Variants in YBX3 observed in about 807,000 individuals in gnomAD.
YBX3 encodes Y-box-binding protein 3.
Under a neutral mutation model 42.4 loss-of-function variants are expected in YBX3, and 29 were observed. That is an observed-to-expected ratio of 0.68 (90% CI 0.51 to 0.93). The LOEUF (loss-of-function observed/expected upper bound fraction) is 0.93, where lower values mean the gene tolerates loss of function less well. Among genes scored for constraint, YBX3 ranks in the 40% least tolerant of loss-of-function variants. The pLI is 0.00. For missense variants in YBX3, 517 were observed against 527.5 expected, an observed-to-expected ratio of 0.98 and a Z score of 0.19; for synonymous variants, 195 against 189.8, an observed-to-expected ratio of 1.03 and a Z score of -0.22.
At chr12:10,712,983 AG>A in intron 5 of YBX3, 2 of 514,992 alleles carry the variant, frequency 3.9e-6, no homozygotes, top group South Asian at 3.2e-5. Flanking sequence ...TCACCACTAA[AG>A]AACTTATTCA....
rs758453219 is a variant in YBX3 at position 10,719,171 on chromosome 12, G to A, written c.263-28C>T. ...AAAATAGGATTAAGCAGATAAATTA[G>A]TATCTGACCTACAGAGAGATATAGC... On this transcript the variant is annotated intron_variant, in intron 1 of 9. Coordinates refer to ENST00000228251, the MANE Select transcript of YBX3 (RefSeq NM_003651.5). 11 of 1,583,010 alleles carry A rather than the reference G, an allele frequency of 6.9e-6. No homozygotes were observed. The African/African-American group carries it at 1.1e-4, about 16-fold the overall frequency.
chr12:10,719,036 T>C (rs898838084), intron 2 of YBX3, 44 bp downstream of exon 2: 3 of 1,572,604 alleles, frequency 1.9e-6, no homozygotes, highest in Admixed American at 1.7e-5. Flanking sequence ...GGTGCCACAA[T>C]GTAAGTATAA....
chr12:10,717,594 T>TA (rs1156949832), intron 3 of YBX3: 1 of 152,282 alleles, frequency 6.6e-6, no homozygotes, highest in Non-Finnish European at 1.5e-5. Flanking sequence ...CATGCCTCAT[T>TA]TAACAAGAGT....
chr12:10,715,543 T>G, intron 4 of YBX3, 151 bp downstream of exon 4: 1 of 595,320 alleles, frequency 1.7e-6, no homozygotes, highest in Non-Finnish European at 2.9e-6. Flanking sequence ...GACCCCATCT[T>G]AAAAAAAAAA....
rs1359779232 is a variant in YBX3 at position 10,722,974 on chromosome 12, C to T, written c.138G>A (p.Pro46=). ...TTCCTGCGACGTGGGCGGCGGGCGC[C>T]GGGGCCGCGGCCTGGGGCGCACCGC... The part of the protein sequence containing the change: ...VGSGAPQAAA[P]APAAHVAGNP... Residue 46 remains proline (P), a synonymous_variant, in exon 1 of 10, where the codon CCG becomes CCA. Transcript: ENST00000228251. 4 of 1,236,302 alleles carry T rather than the reference C, an allele frequency of 3.2e-6. No individual in the cohort carries two copies. Among genetic ancestry groups the T allele is most frequent in the Non-Finnish European group, 4.0e-6 (4 of 994,432 alleles). 76.6% of individuals were successfully genotyped at this position (1,236,302 alleles called of 1,614,324 possible). A position where few individuals can be genotyped will look rare whatever the true frequency, so the allele number is the denominator to read the frequency against.
intron 2 of YBX3, 108 bp from the exon 3 acceptor site, chr12:10,718,229 T>G: frequency 1.1e-6 from 1 of 889,334 alleles, no homozygotes; most frequent in Non-Finnish European, 1.7e-6. Flanking sequence ...ACACAACATA[T>G]ATTTTCACTT....
rs778160354 is a variant in YBX3, at chr12:10,713,221, G to A, written c.563C>T (p.Pro188Leu). ...ACAGAGACAACGTACATTCCGGGGA[G>A]GGCCACGGCGCCTTCCATAGTAGCC... The part of the protein sequence containing the change: ...RRGYYGRRRG[P>L]PRNYAGEEEE... Residue 188 changes from proline (P) to leucine (L), a missense_variant, in exon 5 of 10, where the codon CCT (proline) becomes CTT (leucine). Coordinates refer to ENST00000228251, the MANE Select transcript of YBX3 (RefSeq NM_003651.5). The A allele has an allele frequency of 4.3e-6, 7 of 1,610,766 alleles. No individual in the cohort carries two copies. In the Admixed American group the frequency reaches 1.2e-4, roughly 27 times the overall value.
chr12:10,714,674 A>G (rs1334200643), intron 4 of YBX3, among the ~76,000 whole-genome samples: 1 of 152,066 alleles, frequency 6.6e-6, no homozygotes, highest in African/African-American at 2.4e-5. Context: ...TTTACCATGT[A>G]TTATTTGTAG....
rs1036344170 is a variant in YBX3, at chr12:10,699,221, T to G, written c.*468A>C. 6.6e-6 allele frequency: 1 copy of G among 152,558 alleles called. No homozygotes were observed. The highest frequency in any genetic ancestry group is 1.5e-5 in the Non-Finnish European group (1 of 68,022). 9.5% of individuals were successfully genotyped at this position (152,558 alleles called of 1,614,324 possible). On this transcript the variant is annotated 3_prime_UTR_variant, in exon 10 of 10. Coordinates refer to ENST00000228251, the MANE Select transcript of YBX3 (RefSeq NM_003651.5). Reference sequence around the variant, plus strand: ...AATAAGAAGGACATAAATTTTTTTTTTTTTTAAATCATGACACTTGGAGGT... The same window carrying G: ...AATAAGAAGGACATAAATTTTTTTTGTTTTTAAATCATGACACTTGGAGGT...
At chr12:10,708,780 A>G (rs1948166127) in intron 6 of YBX3, among the ~76,000 whole-genome samples, 1 of 152,264 alleles carries the variant, frequency 6.6e-6, no homozygotes, top group Non-Finnish European at 1.5e-5. Context: ...TCCTAAGGTG[A>G]AATACATTTT....
At chr12:10,710,765 T>C in intron 5 of YBX3, 1 of 428,598 alleles carries the variant, frequency 2.3e-6, no homozygotes. Context: ...CCAGCTATCT[T>C]CTATTAAACC....
At chr12:10,701,168 G>A (rs1471260186) in intron 9 of YBX3, 86 bp downstream of exon 9, 2 of 705,422 alleles carry the variant, frequency 2.8e-6, no homozygotes. Flanking sequence ...TGCAGAACTA[G>A]TTTAGACTAA....
intron 7 of YBX3, 117 bp from the exon 8 acceptor site, chr12:10,702,251 T>C: frequency 1.9e-6 from 2 of 1,039,176 alleles, no homozygotes; most frequent in Non-Finnish European, 2.7e-6. Flanking sequence ...CCAGGCATGA[T>C]GGCTCACCCC....
At chr12:10,701,190 G>GT in intron 9 of YBX3, 64 bp downstream of exon 9, 1 of 746,478 alleles carries the variant, frequency 1.3e-6, no homozygotes. Flanking sequence ...TTGTACTCTT[G>GT]TTGAGAAACC....
intron 3 of YBX3, chr12:10,717,763 C>G (rs1948278755): frequency 5.4e-6 from 1 of 185,160 alleles, no homozygotes; most frequent in African/African-American, 2.3e-5. Context: ...GGAACCACAT[C>G]AGGAGAACAG....
intron 5 of YBX3, chr12:10,712,646 A>G (rs1591579441): frequency 6.6e-6 from 1 of 152,216 alleles, no homozygotes; most frequent in Non-Finnish European, 1.5e-5. Flanking sequence ...TGTCGGCACC[A>G]AAGAATGAAC....
chr12:10,712,788 G>T (rs894261940), intron 5 of YBX3: 3 of 153,600 alleles, frequency 2.0e-5, no homozygotes, highest in African/African-American at 7.2e-5. Context: ...TCTCCCTTAA[G>T]TCTTCCTGTT....
Position 10,723,215 on chromosome 12 carries a change from G to A in YBX3, c.-104C>T. On this transcript the variant is annotated 5_prime_UTR_variant, in exon 1 of 10. Transcript: ENST00000228251. Reference sequence around the variant, plus strand: ...CCGGGGCTCGCTCTCGGGGAGGCCGGGGCGGATCTCGCGGCGCAGGCGGCG... The same window carrying A: ...CCGGGGCTCGCTCTCGGGGAGGCCGAGGCGGATCTCGCGGCGCAGGCGGCG... 4 of 1,171,164 alleles carry A rather than the reference G, an allele frequency of 3.4e-6. No homozygotes were observed. Among genetic ancestry groups the A allele is most frequent in the Non-Finnish European group, 4.2e-6 (4 of 949,296 alleles). 72.5% of individuals were successfully genotyped at this position (1,171,164 alleles called of 1,614,324 possible).
chr12:10,704,594 C>T (rs1948116965), intron 6 of YBX3, among the ~76,000 whole-genome samples: 1 of 152,052 alleles, frequency 6.6e-6, no homozygotes, highest in Non-Finnish European at 1.5e-5. Context: ...GACCATACAG[C>T]CATAACTCAA....
Sources: gnomAD v4.1 joint callset for allele counts (sites outside exome capture counted in the v4.1 genomes callset) on GRCh38, gnomAD v4.1.1 for gene constraint, MANE v1.5 for transcripts, NCBI Gene and HGNC (gene_info 2026-07-23, HGNC 2026-07-21) for gene names.